The following APLF variants were observed in gnomAD, a reference collection of about 807,000 sequenced individuals.
APLF encodes aprataxin and PNKP like factor, also known as aprataxin and PNK-like factor.
In APLF, 61 loss-of-function variants were observed where a neutral mutation model predicts 55.6. That is an observed-to-expected ratio of 1.10 (90% confidence interval 0.89 to 1.36). The LOEUF (loss-of-function observed/expected upper bound fraction) is 1.36, where lower values mean the gene tolerates loss of function less well. APLF is among the 40% of genes most tolerant of loss of function. APLF has a pLI of 0.00. For missense variants in APLF, 611 were observed against 602.5 expected, an observed-to-expected ratio of 1.01 and a Z score of -0.15; for synonymous variants, 207 against 214.8, an observed-to-expected ratio of 0.96 and a Z score of 0.32.
intron 7 of APLF, among the ~76,000 whole-genome samples, 155 bp from the exon 8 acceptor site, chr2:68,545,032 C>T (rs1035284480): frequency 7.9e-5 from 12 of 152,100 alleles, no homozygotes; most frequent in Non-Finnish European, 1.8e-4. Context: ...ATCAATTTAG[C>T]ATGTTGATGT....
intron 2 of APLF, among the ~76,000 whole-genome samples, chr2:68,493,198 T>C (rs1428867782): frequency 1.3e-5 from 2 of 152,216 alleles, no homozygotes; most frequent in Non-Finnish European, 2.9e-5. Context: ...AATAATATTT[T>C]AGAACTGAAA....
intron 8 of APLF, among the ~76,000 whole-genome samples, chr2:68,562,236 G>T (rs1016178950): frequency 1.3e-5 from 2 of 151,942 alleles, no homozygotes; most frequent in African/African-American, 4.8e-5. Context: ...CTGGAAGGAG[G>T]GGTGGGTTGG....
Position 68,538,228 on chromosome 2 carries a change from G to T in APLF, c.1160+1G>T. 6.3e-7 allele frequency: 1 copy of T among 1,586,304 alleles called. No homozygotes were observed. Among genetic ancestry groups the T allele is most frequent in the Non-Finnish European group, 8.6e-7 (1 of 1,167,944 alleles). ...GCATGTATGGGGCAAACTGCTATAG[G>T]TAAAATGAAATTACAGTAACATTTA... is the stretch of plus-strand genomic sequence containing the variant. On this transcript the variant is annotated splice_donor_variant, in intron 7 of 9. Transcript: ENST00000303795. LOFTEE classifies it high-confidence loss of function.
intron 1 of APLF, among the ~76,000 whole-genome samples, chr2:68,471,170 A>G (rs372949500): frequency 1.3e-5 from 2 of 152,016 alleles, no homozygotes; most frequent in Non-Finnish European, 2.9e-5. Flanking sequence ...CATTCACTCT[A>G]CCCTCAAAAA....
intron 5 of APLF, among the ~76,000 whole-genome samples, chr2:68,516,392 T>G (rs960176361): frequency 2.0e-5 from 3 of 151,598 alleles, no homozygotes; most frequent in Admixed American, 6.6e-5. Flanking sequence ...GGCTTTTTCA[T>G]TTTTCAGCCA....
At chr2:68,572,233 G>A (rs1671489244) in intron 9 of APLF, among the ~76,000 whole-genome samples, 1 of 152,054 alleles carries the variant, frequency 6.6e-6, no homozygotes, top group Admixed American at 6.6e-5. Context: ...ATATAATAAA[G>A]TAGATCAGAA....
intron 7 of APLF, among the ~76,000 whole-genome samples, chr2:68,543,309 G>A (rs966750831): frequency 3.3e-5 from 5 of 152,154 alleles, no homozygotes; most frequent in African/African-American, 1.2e-4. Context: ...CATAGAAATT[G>A]TTAAGATGGT....
intron 4 of APLF, 103 bp from the exon 5 acceptor site, chr2:68,513,445 G>A (rs1368456115): frequency 1.5e-6 from 2 of 1,351,946 alleles, no homozygotes; most frequent in Non-Finnish European, 2.0e-6. Flanking sequence ...TCAGTCTACA[G>A]TTGCATATGG....
Position 68,545,270 on chromosome 2 carries a change from C to T in APLF, c.1244C>T (p.Thr415Ile). Residue 415 changes from threonine (T) to isoleucine (I), a missense_variant, in exon 8 of 10, where the codon ACT becomes ATT. Physicochemically the swap from Thr to Ile is moderately conservative, Grantham distance 89. Coordinates refer to ENST00000303795, the MANE Select transcript of APLF (RefSeq NM_173545.3). ...GTACAAATCGTGGGCCAAGATGAGA[C>T]TGATGACCGGCCTGAATGTCCCTAT... The part of the protein sequence containing the change: ...GGVQIVGQDE[T>I]DDRPECPYGP... The T allele has an allele frequency of 6.2e-7, 1 of 1,613,850 alleles. No individual in the cohort carries two copies. Among genetic ancestry groups the T allele is most frequent in the South Asian group, 1.1e-5 (1 of 91,064 alleles).
intron 9 of APLF, among the ~76,000 whole-genome samples, chr2:68,573,982 G>A (rs1671553792): frequency 6.6e-6 from 1 of 151,528 alleles, no homozygotes; most frequent in Non-Finnish European, 1.5e-5. Flanking sequence ...GAGAGCAGCA[G>A]TAACTAGCAG....
In APLF at chr2:68,513,224, TGTG is replaced by T. The variant is rs748048410; in HGVS notation, c.489+1_489+3del. On this transcript the variant is annotated inframe_deletion and splice_region_variant, in exon 4 of 10. Coordinates refer to ENST00000303795, the MANE Select transcript of APLF (RefSeq NM_173545.3). The stretch of plus-strand genomic sequence containing the variant: ...AGACCCAGATGACTCCCACAAATAG[TGTG>T]GTGAGAAATTTGATATCTCATCCAT... The T allele has an allele frequency of 5.6e-6, 9 of 1,597,894 alleles. No individual in the cohort carries two copies. The highest frequency in any genetic ancestry group is 4.1e-5 in the African/African-American group (3 of 73,762).
rs554146639 is a variant in APLF at position 68,558,681 on chromosome 2, G to A, written c.1287-8660G>A. Among the ~76,000 whole-genome samples the A allele has an allele frequency of 7.9e-5, 12 of 152,168 alleles. No individual in the cohort carries two copies. The East Asian group carries it at 2.1e-3, about 27-fold the overall frequency. ...TGGGGTACATGTGCAGGATGCACAG[G>A]TTTGTTACATAGGTAAACATTTGCC... On this transcript the variant is annotated intron_variant, in intron 8 of 9. Transcript: ENST00000303795.
intron 7 of APLF, among the ~76,000 whole-genome samples, chr2:68,542,065 G>A (rs1670568926): frequency 6.6e-6 from 1 of 152,152 alleles, no homozygotes; most frequent in African/African-American, 2.4e-5. Context: ...TCAATAAAGA[G>A]TGCTCAGAAA....
At chr2:68,533,060 T>TA (rs1014396594) in intron 6 of APLF, among the ~76,000 whole-genome samples, 67 of 152,004 alleles carry the variant, frequency 4.4e-4, no homozygotes, top group African/African-American at 1.6e-3. Flanking sequence ...ACCTCATCTC[T>TA]AAAAAAAAGG....
intron 1 of APLF, among the ~76,000 whole-genome samples, chr2:68,474,363 C>T (rs1036254345): frequency 2.0e-5 from 3 of 152,220 alleles, no homozygotes; most frequent in African/African-American, 4.8e-5. Context: ...AGTCCCAATT[C>T]TCTATACCTT....
At chr2:68,572,704 A>G (rs531719135) in intron 9 of APLF, among the ~76,000 whole-genome samples, 2 of 152,172 alleles carry the variant, frequency 1.3e-5, no homozygotes, top group Non-Finnish European at 2.9e-5. Flanking sequence ...AGTTGTGGTG[A>G]TGGGCACACC....
At chr2:68,480,546 C>G (rs1004847645) in intron 1 of APLF, among the ~76,000 whole-genome samples, 2 of 151,940 alleles carry the variant, frequency 1.3e-5, no homozygotes, top group African/African-American at 4.8e-5. Context: ...TTGTGATCCA[C>G]CCACCTTGGC....
intron 3 of APLF, among the ~76,000 whole-genome samples, chr2:68,510,147 A>G (rs1045638822): frequency 2.6e-5 from 4 of 151,774 alleles, no homozygotes; most frequent in Non-Finnish European, 5.9e-5. Flanking sequence ...CAGCACACCA[A>G]CATGGCACAT....
chr2:68,565,565 G>A (rs1671287015), intron 8 of APLF, among the ~76,000 whole-genome samples: 2 of 146,406 alleles, frequency 1.4e-5, no homozygotes, highest in South Asian at 4.2e-4. Flanking sequence ...ATAGATAAAA[G>A]AAGTTAATAT....
Sources: gnomAD v4.1 joint callset for allele counts (sites outside exome capture counted in the v4.1 genomes callset) on GRCh38, gnomAD v4.1.1 for gene constraint, MANE v1.5 for transcripts, NCBI Gene and HGNC (gene_info 2026-07-23, HGNC 2026-07-21) for gene names.